SLC24A3: variants seen among roughly 807,000 people sequenced by gnomAD.
SLC24A3 encodes sodium/potassium/calcium exchanger 3.
In SLC24A3, 28 loss-of-function variants were observed where a neutral mutation model predicts 75.8. The ratio of observed to expected loss-of-function variants is 0.37; its 90% CI spans 0.27 to 0.51. The LOEUF is 0.51. SLC24A3 is among the 20% of genes least tolerant of loss of function. The pLI is 0.94. For missense variants in SLC24A3, 663 were observed against 847.8 expected, an observed-to-expected ratio of 0.78 and a Z score of 2.71; for synonymous variants, 372 against 334.1, an observed-to-expected ratio of 1.11 and a Z score of -1.24.
intron 3 of SLC24A3, among the ~76,000 whole-genome samples, chr20:19,569,738 C>T (rs1464167714): frequency 3.3e-5 from 5 of 152,150 alleles, no homozygotes; most frequent in African/African-American, 7.2e-5. Context: ...TGATCATCTA[C>T]ATGCTCTTAA....
chr20:19,437,826 TTCCCCCTGC>T (rs1987232492), intron 2 of SLC24A3, among the ~76,000 whole-genome samples: 1 of 152,168 alleles, frequency 6.6e-6, no homozygotes, highest in Non-Finnish European at 1.5e-5. Flanking sequence ...CTCCACCCTG[TTCCCCCTGC>T]TCTTTGGGGC....
chr20:19,343,610 G>T (rs1326934166), intron 2 of SLC24A3, among the ~76,000 whole-genome samples: 4 of 152,120 alleles, frequency 2.6e-5, no homozygotes, highest in African/African-American at 9.7e-5. Context: ...GGAGTACAGG[G>T]TCTCTGTGGG....
chr20:19,225,947 AGACTT>A (rs1475880007), intron 1 of SLC24A3, among the ~76,000 whole-genome samples: 1 of 152,194 alleles, frequency 6.6e-6, no homozygotes, highest in Non-Finnish European at 1.5e-5. Flanking sequence ...ACAGTGGCTA[AGACTT>A]TTAGTACAAT....
chr20:19,502,457 C>T (rs546303900), intron 2 of SLC24A3, among the ~76,000 whole-genome samples: 1 of 152,220 alleles, frequency 6.6e-6, no homozygotes, highest in Non-Finnish European at 1.5e-5. Context: ...GTTAAAGGGG[C>T]TTGATAAACA....
rs1004554955 is a variant in SLC24A3, at chr20:19,479,997, A to G, written c.272-35491A>G. On this transcript the variant is annotated intron_variant, in intron 2 of 16. Transcript: ENST00000328041. ...GTGAGACTCAGTCCTTCCCTCTATC[A>G]AAAGGGACTGTTGTGATGCATATTT... Among the ~76,000 whole-genome samples, 21 of 152,348 alleles carry G rather than the reference A, an allele frequency of 1.4e-4. No homozygotes were observed. The East Asian group carries it at 2.9e-3, about 21-fold the overall frequency.
chr20:19,610,245 C>G (rs886900165), intron 6 of SLC24A3, among the ~76,000 whole-genome samples: 2 of 152,024 alleles, frequency 1.3e-5, no homozygotes. Context: ...CTGTTTTGTA[C>G]CAAATTGTTG....
intron 2 of SLC24A3, among the ~76,000 whole-genome samples, chr20:19,452,056 C>T (rs1239103920): frequency 2.0e-5 from 3 of 152,146 alleles, no homozygotes; most frequent in African/African-American, 2.4e-5. Context: ...CATTACAGCG[C>T]GAGAACATAA....
intron 15 of SLC24A3, among the ~76,000 whole-genome samples, chr20:19,711,001 ATG>A (rs2032981100): frequency 6.8e-5 from 1 of 14,652 alleles, no homozygotes; most frequent in Non-Finnish European, 1.3e-4. Context: ...GCCCTTTGCT[ATG>A]CAGTCTCACT....
At chr20:19,440,091 TGA>T (rs2122466201) in intron 2 of SLC24A3, among the ~76,000 whole-genome samples, 1 of 152,368 alleles carries the variant, frequency 6.6e-6, no homozygotes, top group Non-Finnish European at 1.5e-5. Flanking sequence ...CACAGTGATG[TGA>T]GAATCCTCAA....
chr20:19,231,846 C>T (rs953970892), intron 1 of SLC24A3, among the ~76,000 whole-genome samples: 10 of 152,194 alleles, frequency 6.6e-5, no homozygotes, highest in African/African-American at 2.4e-4. Context: ...TGCACACCCA[C>T]CACATGGAAA....
chr20:19,717,637 T>C (rs781458204), intron 16 of SLC24A3, 44 bp downstream of exon 16: 2 of 1,611,000 alleles, frequency 1.2e-6, no homozygotes, highest in East Asian at 4.5e-5. Context: ...TGCCTGTTCT[T>C]TCCTCCCCTT....
At chr20:19,657,727 C>T (rs996064933) in intron 7 of SLC24A3, among the ~76,000 whole-genome samples, 1 of 152,192 alleles carries the variant, frequency 6.6e-6, no homozygotes, top group Admixed American at 6.5e-5. Flanking sequence ...CAAAGTACCT[C>T]TCACAATGTC....
chr20:19,371,164 A>C (rs922786577), intron 2 of SLC24A3, among the ~76,000 whole-genome samples: 1 of 152,148 alleles, frequency 6.6e-6, no homozygotes, highest in Non-Finnish European at 1.5e-5. Context: ...TCTGGAAAGC[A>C]GTGTAGAACA....
At chr20:19,603,232 TG>T (rs2031551567) in intron 6 of SLC24A3, among the ~76,000 whole-genome samples, 1 of 152,052 alleles carries the variant, frequency 6.6e-6, no homozygotes, top group African/African-American at 2.4e-5. Flanking sequence ...TTAACTTTTG[TG>T]GGGGTTTTGG....
At chr20:19,394,582 A>G (rs1363781535) in intron 2 of SLC24A3, among the ~76,000 whole-genome samples, 1 of 152,228 alleles carries the variant, frequency 6.6e-6, no homozygotes, top group Non-Finnish European at 1.5e-5. Context: ...AAAAAGATGT[A>G]CAAGTGGCCG....
chr20:19,500,980 C>T (rs1600255311), intron 2 of SLC24A3, among the ~76,000 whole-genome samples: 2 of 152,162 alleles, frequency 1.3e-5, no homozygotes, highest in African/African-American at 4.8e-5. Flanking sequence ...CTACCTCTTG[C>T]ATTATTTTGT....
intron 6 of SLC24A3, among the ~76,000 whole-genome samples, chr20:19,600,534 A>G (rs2031515556): frequency 6.6e-6 from 1 of 152,264 alleles, no homozygotes; most frequent in Admixed American, 6.5e-5. Flanking sequence ...GAACTGAAGC[A>G]AAATGTTTAA....
intron 2 of SLC24A3, among the ~76,000 whole-genome samples, chr20:19,411,912 G>A (rs1462561131): frequency 6.6e-6 from 1 of 152,122 alleles, no homozygotes; most frequent in Non-Finnish European, 1.5e-5. Flanking sequence ...AGGACTGTCG[G>A]CATGTCAGAA....
chr20:19,625,618 T>C (rs541989279), intron 6 of SLC24A3, among the ~76,000 whole-genome samples: 5 of 152,184 alleles, frequency 3.3e-5, no homozygotes, highest in Admixed American at 6.5e-5. Flanking sequence ...TGTCAGTTCT[T>C]TTCTAAGGGA....
Sources: gnomAD v4.1 joint callset for allele counts (sites outside exome capture counted in the v4.1 genomes callset) on GRCh38, gnomAD v4.1.1 for gene constraint, MANE v1.5 for transcripts, NCBI Gene and HGNC (gene_info 2026-07-23, HGNC 2026-07-21) for gene names.